Variants in CSMD1 observed in about 807,000 individuals in gnomAD.
CSMD1 encodes CUB and sushi domain-containing protein 1.
CSMD1 carries 213 observed loss-of-function variants against 417.5 expected under a neutral mutation model. That is an observed-to-expected ratio of 0.51 (90% CI 0.46 to 0.57). The LOEUF (loss-of-function observed/expected upper bound fraction) is 0.57, where lower values mean the gene tolerates loss of function less well. Among genes scored for constraint, CSMD1 ranks in the 20% least tolerant of loss-of-function variants. CSMD1 has a pLI of 0.00. For synonymous variants in CSMD1, 2,862 were observed against 1,736.8 expected (o/e 1.65, Z -16.11); for missense variants, 6,923 against 4,529.7 (o/e 1.53, Z -15.17).
intron 25 of CSMD1, among the ~76,000 whole-genome samples, chr8:3,291,783 G>T (rs183171806): frequency 2.3e-4 from 35 of 151,144 alleles, no homozygotes; most frequent in Non-Finnish European, 1.3e-4. Context: ...GTCAGCTCCT[G>T]GATTCATTGA....
chr8:3,873,085 A>G (rs987527085), intron 5 of CSMD1, among the ~76,000 whole-genome samples: 3 of 152,162 alleles, frequency 2.0e-5, no homozygotes, highest in Non-Finnish European at 2.9e-5. Context: ...ATAAAATGGA[A>G]CATGTATACA....
At position 3,780,825 on chromosome 8, in the gene CSMD1, G is replaced by A. The variant is rs1032356381; in HGVS notation, c.819-26783C>T. ...CAGCTGGCCCTAGTGCTTTGCCATA[G>A]AACAATTTCCTCAATAATTTTCTCT... On this transcript the variant is annotated intron_variant, in intron 5 of 69. Transcript: ENST00000635120. 1.3e-5 allele frequency among the ~76,000 whole-genome samples: 2 copies of A among 152,262 alleles called. 1 individual carries two copies. The highest frequency in any genetic ancestry group is 1.3e-4 in the Admixed American group (2 of 15,288).
At chr8:4,385,600 T>C (rs1224406386) in intron 3 of CSMD1, among the ~76,000 whole-genome samples, 1 of 152,244 alleles carries the variant, frequency 6.6e-6, no homozygotes, top group Non-Finnish European at 1.5e-5. Flanking sequence ...TGTTATTAAT[T>C]GCTGATTTAA....
At chr8:3,975,417 T>C (rs2554711) in intron 5 of CSMD1, among the ~76,000 whole-genome samples, 33,624 of 152,044 alleles carry the variant, frequency 0.22, 4,157 homozygotes, top group East Asian at 0.34. Context: ...TACTAGATGA[T>C]AACCATTTAC....
intron 12 of CSMD1, among the ~76,000 whole-genome samples, chr8:3,445,439 A>T (rs1378944701): frequency 6.6e-6 from 1 of 152,234 alleles, no homozygotes; most frequent in Non-Finnish European, 1.5e-5. Context: ...AGAAAGAGAA[A>T]GTGAATTACA....
At chr8:4,042,447 G>C (rs1024549045) in intron 3 of CSMD1, among the ~76,000 whole-genome samples, 1 of 151,950 alleles carries the variant, frequency 6.6e-6, no homozygotes, top group South Asian at 2.1e-4. Context: ...AAATTTATAT[G>C]ACAAAAATAT....
At chr8:4,177,630 T>C (rs1798125970) in intron 3 of CSMD1, among the ~76,000 whole-genome samples, 1 of 145,830 alleles carries the variant, frequency 6.9e-6, no homozygotes, top group Non-Finnish European at 1.5e-5. Flanking sequence ...AAAAAATTAA[T>C]GAATCCAGGA....
At chr8:3,567,391 C>T (rs967505290) in intron 10 of CSMD1, among the ~76,000 whole-genome samples, 18 of 151,554 alleles carry the variant, frequency 1.2e-4, no homozygotes, top group African/African-American at 4.4e-4. Flanking sequence ...TATAACAAAC[C>T]TGCATGTGTA....
intron 2 of CSMD1, among the ~76,000 whole-genome samples, chr8:4,584,046 C>A (rs1448281833): frequency 6.6e-6 from 1 of 151,890 alleles, no homozygotes; most frequent in Non-Finnish European, 1.5e-5. Context: ...ATAACACTCA[C>A]TACGAAGGTC....
At chr8:3,924,817 T>G (rs1034327893) in intron 5 of CSMD1, among the ~76,000 whole-genome samples, 1 of 152,228 alleles carries the variant, frequency 6.6e-6, no homozygotes, top group Non-Finnish European at 1.5e-5. Context: ...TCACTGAAGT[T>G]AAGATGATAA....
chr8:4,010,279 G>C lies in CSMD1; in HGVS notation c.611-12169C>G, dbSNP rs73503216. Among the ~76,000 whole-genome samples the C allele has an allele frequency of 5.1e-3, 779 of 152,088 alleles. 6 individuals are homozygous for C. The highest frequency in any genetic ancestry group is 0.018 in the African/African-American group (750 of 41,456). On this transcript the variant is annotated intron_variant, in intron 4 of 69. Coordinates refer to ENST00000635120, the MANE Select transcript of CSMD1 (RefSeq NM_033225.6). ...TTCCCTCCCTCATGTGCCCAGCTTT[G>C]AGTCTCTTGCCATAATAATCTGGCA...
At position 4,795,435 on chromosome 8, in the gene CSMD1, C is replaced by T. The variant is rs903980099; in HGVS notation, c.86-157877G>A. On this transcript the variant is annotated intron_variant, in intron 1 of 69. Transcript: ENST00000635120. ...TACAGGTACCCAGCACCACGCCAGGCTAACTTTTGTATTTTTAGTAGAGAT... is the reference window on the plus strand; with the variant it reads ...TACAGGTACCCAGCACCACGCCAGGTTAACTTTTGTATTTTTAGTAGAGAT... Among the ~76,000 whole-genome samples, 3 of 151,722 alleles carry T rather than the reference C, an allele frequency of 2.0e-5. No homozygotes were observed. The East Asian group carries it at 5.9e-4, about 30-fold the overall frequency.
At chr8:3,767,114 G>A (rs1055808808) in intron 5 of CSMD1, among the ~76,000 whole-genome samples, 3 of 152,196 alleles carry the variant, frequency 2.0e-5, no homozygotes, top group East Asian at 1.9e-4. Flanking sequence ...TACAGTAGCC[G>A]TGGGGTTCCG....
intron 2 of CSMD1, among the ~76,000 whole-genome samples, chr8:4,508,211 T>C (rs1301040670): frequency 1.3e-5 from 2 of 151,096 alleles, no homozygotes; most frequent in African/African-American, 4.9e-5. Context: ...ATCTCCCTGA[T>C]ACCGCCCATA....
Position 2,965,880 on chromosome 8 carries a change from C to T in CSMD1, c.9175G>A (p.Val3059Met). The T allele has an allele frequency of 1.9e-6, 3 of 1,610,536 alleles. No individual in the cohort carries two copies. In the East Asian group the frequency reaches 6.7e-5, roughly 36 times the overall value. Reference protein sequence around the residue: ...FGTDFTFNKTVSYQCNPGYVM... With the variant: ...FGTDFTFNKTMSYQCNPGYVM... ...TAGCCTGGGTTACACTGATAGCTCA[C>T]AGTCTTGTTGAAGGTGAAGTCGGTC... The change falls in exon 59 of 70, where the codon GTG (valine) becomes ATG (methionine). Residue 3059 changes from valine to methionine, a missense_variant. Coordinates refer to ENST00000635120, the MANE Select transcript of CSMD1 (RefSeq NM_033225.6).
intron 5 of CSMD1, among the ~76,000 whole-genome samples, chr8:3,842,932 C>T (rs1275773630): frequency 6.6e-6 from 1 of 152,040 alleles, no homozygotes; most frequent in East Asian, 1.9e-4. Context: ...TGAAGATGTT[C>T]CTAGAATTGA....
intron 10 of CSMD1, among the ~76,000 whole-genome samples, chr8:3,515,546 C>G (rs1348305031): frequency 6.6e-6 from 1 of 152,188 alleles, no homozygotes; most frequent in Non-Finnish European, 1.5e-5. Flanking sequence ...AATGAGAAAG[C>G]AGGACATGCT....
chr8:3,594,324 G>T (rs1210900964), intron 8 of CSMD1, among the ~76,000 whole-genome samples: 1 of 152,188 alleles, frequency 6.6e-6, no homozygotes, highest in South Asian at 2.1e-4. Context: ...TAACAAAAAA[G>T]AACTGATTTG....
intron 1 of CSMD1, among the ~76,000 whole-genome samples, chr8:4,823,412 C>G (rs1315706471): frequency 6.6e-6 from 1 of 151,996 alleles, no homozygotes; most frequent in African/African-American, 2.4e-5. Context: ...ACTTTTCTTA[C>G]TTTTCAGCTA....
Sources: allele counts gnomAD v4.1 joint callset (sites outside exome capture counted in the v4.1 genomes callset), GRCh38; gene constraint gnomAD v4.1.1; transcripts MANE v1.5; gene names NCBI Gene and HGNC (gene_info 2026-07-23, HGNC 2026-07-21).